Variants in RASA1 observed in about 807,000 individuals in gnomAD.
The protein encoded by RASA1 is ras GTPase-activating protein 1.
In RASA1, 25 loss-of-function variants were observed where a neutral mutation model predicts 132.2. The observed-to-expected ratio is 0.19, with a 90% CI of 0.14 to 0.26. The LOEUF is 0.26. Ranked by LOEUF, RASA1 falls within the 10% of genes least tolerant of loss-of-function variation. The pLI is 1.00. For synonymous variants in RASA1, 477 were observed against 449.9 expected (o/e 1.06, Z -0.76); for missense variants, 964 against 1,299.2 (o/e 0.74, Z 3.97).
Position 87,298,180 on chromosome 5 carries a change from C to T in RASA1, c.539+29190C>T, listed in dbSNP as rs192324736. 2.1e-3 allele frequency among the ~76,000 whole-genome samples: 323 copies of T among 152,014 alleles called. 1 individual carries two copies. Among genetic ancestry groups the T allele is most frequent in the African/African-American group, 7.3e-3 (304 of 41,486 alleles). ...ATCCCAGCACTTTGGGAGGCCGAGG[C>T]GGGTGGATCACGAGGTCAGGAGATC... is the stretch of plus-strand genomic sequence containing the variant. On this transcript the variant is annotated intron_variant, in intron 1 of 24. Transcript: ENST00000274376.
chr5:87,329,163 G>A (rs755697449), intron 1 of RASA1, among the ~76,000 whole-genome samples: 11 of 151,852 alleles, frequency 7.2e-5, no homozygotes, highest in South Asian at 2.1e-4. Flanking sequence ...GTAAAAAATC[G>A]ACTCGGTGTG....
In RASA1 at chr5:87,353,215, A is replaced by G; in HGVS notation, c.1312A>G (p.Lys438Glu). 6.2e-7 allele frequency: 1 copy of G among 1,608,570 alleles called. No individual in the cohort carries two copies. The highest frequency in any genetic ancestry group is 2.2e-5 in the East Asian group (1 of 44,682). ...ACAGATTGTTGAAGGATATTATCTT[A>G]AGGAACCTGTACCAATGCAGGTCAG... Reference protein sequence around the residue: ...KEQIVEGYYLKEPVPMQDQEQ... With the variant: ...KEQIVEGYYLEEPVPMQDQEQ... The change falls in exon 9 of 25, where the codon AAG becomes GAG. Residue 438 changes from lysine to glutamate, a missense_variant. Lys to Glu is a moderately conservative substitution (Grantham distance 56). Around this residue, in one of 6 missense-constraint regions of RASA1, gnomAD observed 154 missense variants for 286.5 expected, o/e 0.54. Coordinates refer to ENST00000274376, the MANE Select transcript of RASA1 (RefSeq NM_002890.3).
chr5:87,351,674 T>G (rs1313209634), intron 8 of RASA1, among the ~76,000 whole-genome samples: 1 of 151,766 alleles, frequency 6.6e-6, no homozygotes, highest in Non-Finnish European at 1.5e-5. Context: ...AAATTCTGGT[T>G]TATCTCCCCT....
At chr5:87,346,578 T>C in intron 6 of RASA1, 94 bp from the exon 7 acceptor site, 1 of 700,288 alleles carries the variant, frequency 1.4e-6, no homozygotes. Context: ...TTTATCACTT[T>C]GAATTAAACT....
chr5:87,304,939 CTTT>C (rs756572506), intron 1 of RASA1, among the ~76,000 whole-genome samples: 1 of 64,406 alleles, frequency 1.6e-5, no homozygotes, highest in Non-Finnish European at 3.3e-5. Context: ...TCTTTTAGTC[CTTT>C]TTTTTTTTTT....
Position 87,334,159 on chromosome 5 carries a change from C to T in RASA1, c.899+822C>T, listed in dbSNP as rs77068392. On this transcript the variant is annotated intron_variant, in intron 4 of 24. Transcript: ENST00000274376. ...GATGGAGACAGTAAAGACCCACAAT[C>T]GGCTGTCTGCAATCTGAAAACCCAA... Among the ~76,000 whole-genome samples, 1,079 of 152,166 alleles carry T rather than the reference C, an allele frequency of 7.1e-3. 10 individuals are homozygous for T. Among genetic ancestry groups the T allele is most frequent in the Non-Finnish European group, 0.011 (721 of 68,002 alleles).
At chr5:87,330,949 C>T in intron 1 of RASA1, 1 of 1,430,348 alleles carries the variant, frequency 7.0e-7, no homozygotes, top group South Asian at 1.5e-5. Flanking sequence ...TTCCATGTGC[C>T]TTGTGAAGTC....
chr5:87,303,709 A>G (rs1755479136), intron 1 of RASA1, among the ~76,000 whole-genome samples: 2 of 151,982 alleles, frequency 1.3e-5, no homozygotes, highest in African/African-American at 2.4e-5. Context: ...TTAATGTTCT[A>G]TGTTCACTTG....
intron 21 of RASA1, among the ~76,000 whole-genome samples, chr5:87,385,031 G>A (rs946962150): frequency 1.1e-4 from 16 of 151,988 alleles, no homozygotes; most frequent in Admixed American, 2.6e-4. Context: ...AGTATCAACC[G>A]TTGGAAACTG....
At chr5:87,298,515 G>T (rs1561264173) in intron 1 of RASA1, among the ~76,000 whole-genome samples, 1 of 152,128 alleles carries the variant, frequency 6.6e-6, no homozygotes, top group Non-Finnish European at 1.5e-5. Context: ...GGGTTAAAAA[G>T]AGATTGGTTT....
chr5:87,340,152 C>T (rs1580304183), intron 5 of RASA1, among the ~76,000 whole-genome samples: 2 of 152,230 alleles, frequency 1.3e-5, no homozygotes, highest in African/African-American at 4.8e-5. Flanking sequence ...AGTTTTCCCT[C>T]TTCCTTGACA....
chr5:87,358,519 C>A (rs768717995), intron 9 of RASA1, among the ~76,000 whole-genome samples: 2 of 152,160 alleles, frequency 1.3e-5, no homozygotes, highest in Non-Finnish European at 2.9e-5. Flanking sequence ...CAAAGTATGT[C>A]TAGAATATGA....
At chr5:87,314,171 C>G (rs1756137608) in intron 1 of RASA1, among the ~76,000 whole-genome samples, 1 of 151,866 alleles carries the variant, frequency 6.6e-6, no homozygotes, top group African/African-American at 2.4e-5. Context: ...AAAACTCTGT[C>G]TCAAAAAGAT....
chr5:87,377,335 T>C (rs1761394659), intron 17 of RASA1, among the ~76,000 whole-genome samples: 1 of 152,098 alleles, frequency 6.6e-6, no homozygotes, highest in African/African-American at 2.4e-5. Context: ...TGTATTCTCT[T>C]GTTTTTTATT....
chr5:87,338,536 A>ATATATATATATATTTTTTTTTT, intron 5 of RASA1, among the ~76,000 whole-genome samples: 3 of 85,216 alleles, frequency 3.5e-5, no homozygotes, highest in African/African-American at 1.3e-4. Flanking sequence ...TATATATAAA[A>ATATATATATATATTTTTTTTTT]TTTTTTTTTT....
At chr5:87,284,712 T>C (rs917810421) in intron 1 of RASA1, among the ~76,000 whole-genome samples, 1 of 152,228 alleles carries the variant, frequency 6.6e-6, no homozygotes, top group Non-Finnish European at 1.5e-5. Flanking sequence ...TGTATTTGTT[T>C]GTGTTTGGTT....
intron 9 of RASA1, among the ~76,000 whole-genome samples, chr5:87,360,038 G>A (rs1179741244): frequency 6.6e-6 from 1 of 150,578 alleles, no homozygotes; most frequent in African/African-American, 2.4e-5. Flanking sequence ...TTCTTGCATT[G>A]TATCTATCAT....
chr5:87,372,292 A>G (rs2112480395), intron 13 of RASA1, 97 bp downstream of exon 13: 1 of 1,146,840 alleles, frequency 8.7e-7, no homozygotes, highest in Non-Finnish European at 1.3e-6. Context: ...TGGACATCAT[A>G]TGGGGTTAAG....
At chr5:87,320,533 T>A (rs1280286396) in intron 1 of RASA1, among the ~76,000 whole-genome samples, 1 of 152,136 alleles carries the variant, frequency 6.6e-6, no homozygotes, top group African/African-American at 2.4e-5. Context: ...CATCTTCACA[T>A]GGTGACAGGA....
Sources: gnomAD v4.1 joint callset for allele counts (sites outside exome capture counted in the v4.1 genomes callset) on GRCh38, gnomAD v4.1.1 for gene constraint, gnomAD v4.1.1 regional missense constraint, MANE v1.5 for transcripts, NCBI Gene and HGNC (gene_info 2026-07-23, HGNC 2026-07-21) for gene names.